The following WDR64 variants were observed in gnomAD, a reference collection of about 807,000 sequenced individuals.
The protein encoded by WDR64 is WD repeat domain 64, also known as WD repeat-containing protein 64.
In WDR64, 112 loss-of-function variants were observed where a neutral mutation model predicts 139.3. That is an observed-to-expected ratio of 0.80 (90% CI 0.69 to 0.94). The LOEUF is 0.94. Among genes scored for constraint, WDR64 ranks in the 40% least tolerant of loss-of-function variants. The pLI is 0.00. For synonymous variants in WDR64, 444 were observed against 437.7 expected (o/e 1.01, Z -0.18); for missense variants, 1,206 against 1,293.1 (o/e 0.93, Z 1.03).
At chr1:241,677,792 A>T (rs1181267557) in intron 4 of WDR64, among the ~76,000 whole-genome samples, 2 of 152,218 alleles carry the variant, frequency 1.3e-5, no homozygotes, top group African/African-American at 4.8e-5. Flanking sequence ...ACTCTATTAA[A>T]TATTGATCTA....
At chr1:241,658,818 G>C (rs1665709953) in intron 1 of WDR64, among the ~76,000 whole-genome samples, 3 of 151,640 alleles carry the variant, frequency 2.0e-5, no homozygotes, top group African/African-American at 7.3e-5. Context: ...CACAGAGAAT[G>C]TATCAAACAC....
intron 12 of WDR64, among the ~76,000 whole-genome samples, chr1:241,742,720 C>T (rs1669595888): frequency 6.6e-6 from 1 of 152,158 alleles, no homozygotes; most frequent in African/African-American, 2.4e-5. Context: ...AACTTGCTTT[C>T]GCTTTACTCT....
At chr1:241,690,121 T>G (rs932005712) in intron 8 of WDR64, among the ~76,000 whole-genome samples, 2 of 151,836 alleles carry the variant, frequency 1.3e-5, no homozygotes, top group Admixed American at 1.3e-4. Flanking sequence ...GAAGGATAAA[T>G]GCCAAAAAAT....
chr1:241,707,119 C>A (rs1667982892), intron 8 of WDR64, among the ~76,000 whole-genome samples: 1 of 152,172 alleles, frequency 6.6e-6, no homozygotes. Context: ...GTTTACCTGC[C>A]TGGCTGCTGC....
rs559727613 is a variant in WDR64, at chr1:241,698,010, T to C, written c.974+10415T>C. On this transcript the variant is annotated intron_variant, in intron 8 of 27. Transcript: ENST00000437684. ...CAACTTTTCTTCTTACATTCTATCCTCTTCTTGGGTGATAGTTGTATTCTT... is the reference window on the plus strand; with the variant it reads ...CAACTTTTCTTCTTACATTCTATCCCCTTCTTGGGTGATAGTTGTATTCTT... 5.9e-4 allele frequency among the ~76,000 whole-genome samples: 90 copies of C among 152,310 alleles called. No individual in the cohort carries two copies. The Middle Eastern group carries it at 0.014, about 23-fold the overall frequency.
intron 15 of WDR64, among the ~76,000 whole-genome samples, chr1:241,762,773 G>C (rs1343521397): frequency 2.3e-5 from 3 of 130,906 alleles, no homozygotes; most frequent in Non-Finnish European, 4.8e-5. Flanking sequence ...AAGCTTCCTT[G>C]CAAAAAAAAA....
intron 9 of WDR64, among the ~76,000 whole-genome samples, chr1:241,720,621 A>G (rs928510039): frequency 1.3e-5 from 2 of 151,958 alleles, no homozygotes; most frequent in Non-Finnish European, 2.9e-5. Context: ...GTATCTGTTC[A>G]TGTCTTTTGT....
intron 19 of WDR64, 91 bp from the exon 20 acceptor site, chr1:241,772,701 G>C (rs1658507618): frequency 8.2e-6 from 11 of 1,340,864 alleles, no homozygotes; most frequent in Non-Finnish European, 1.1e-5. Flanking sequence ...GACCTCAAGT[G>C]ATCCACCTGC....
At chr1:241,673,905 G>T (rs1433137736) in intron 3 of WDR64, among the ~76,000 whole-genome samples, 1 of 151,982 alleles carries the variant, frequency 6.6e-6, no homozygotes, top group Non-Finnish European at 1.5e-5. Context: ...GCCTGAGATG[G>T]TATTAAGTTT....
At chr1:241,686,036 C>T (rs1666990433) in intron 7 of WDR64, among the ~76,000 whole-genome samples, 1 of 152,114 alleles carries the variant, frequency 6.6e-6, no homozygotes. Context: ...AATCTGGGTA[C>T]AGTTAAATGA....
chr1:241,756,037 C>CT (rs1319731975), intron 14 of WDR64, among the ~76,000 whole-genome samples: 4 of 152,120 alleles, frequency 2.6e-5, no homozygotes, highest in African/African-American at 9.7e-5. Context: ...ATTTTCATGG[C>CT]TATACGGGCT....
At chr1:241,750,585 T>A (rs1454026698) in intron 14 of WDR64, among the ~76,000 whole-genome samples, 1 of 152,228 alleles carries the variant, frequency 6.6e-6, no homozygotes, top group East Asian at 1.9e-4. Context: ...CAAAGTGCCA[T>A]TGTTCATCAG....
chr1:241,664,972 G>A (rs1665975514), intron 2 of WDR64, among the ~76,000 whole-genome samples: 1 of 152,080 alleles, frequency 6.6e-6, no homozygotes, highest in Non-Finnish European at 1.5e-5. Context: ...CAAGGCAGGA[G>A]GATTGCTTGA....
rs983611228 is a variant in WDR64 at position 241,801,540 on chromosome 1, T to C, written c.*325T>C. On this transcript the variant is annotated 3_prime_UTR_variant, in exon 28 of 28. Coordinates refer to ENST00000437684, the MANE Select transcript of WDR64 (RefSeq NM_001367482.1). ...ATGTTTAGCTTTCCACTTCCTCCCA[T>C]TGGTCACCTTACTCCACAGCAAGAA... 1.2e-5 allele frequency: 5 copies of C among 415,484 alleles called. No homozygotes were observed. Among genetic ancestry groups the C allele is most frequent in the East Asian group, 1.0e-4 (3 of 29,560 alleles). The allele number at this position is 415,484 out of a possible 1,614,324, so 25.7% of individuals were successfully genotyped here. A position where few individuals can be genotyped will look rare whatever the true frequency, so the allele number is the denominator to read the frequency against.
chr1:241,671,333 A>G (rs1241150096), intron 3 of WDR64, among the ~76,000 whole-genome samples, 157 bp downstream of exon 3: 3 of 152,190 alleles, frequency 2.0e-5, no homozygotes, highest in African/African-American at 7.2e-5. Context: ...CATATGCAGT[A>G]TCAGAAGAAA....
intron 13 of WDR64, among the ~76,000 whole-genome samples, chr1:241,747,714 T>A (rs570803108): frequency 5.1e-4 from 78 of 152,272 alleles, no homozygotes; most frequent in African/African-American, 1.9e-3. Flanking sequence ...TCAGAACTTT[T>A]CTTGAACCTA....
chr1:241,771,980 A>G (rs1027750729), intron 19 of WDR64, among the ~76,000 whole-genome samples: 5 of 115,290 alleles, frequency 4.3e-5, no homozygotes, highest in African/African-American at 1.5e-4. Context: ...ATATATATAT[A>G]TATATATATT....
intron 2 of WDR64, among the ~76,000 whole-genome samples, chr1:241,667,584 G>A (rs1023278876): frequency 6.6e-6 from 1 of 152,138 alleles, no homozygotes; most frequent in Non-Finnish European, 1.5e-5. Flanking sequence ...CAAGCATGAT[G>A]GGGGACTTGA....
At chr1:241,722,195 C>T (rs982444701) in intron 9 of WDR64, among the ~76,000 whole-genome samples, 5 of 152,062 alleles carry the variant, frequency 3.3e-5, no homozygotes, top group African/African-American at 1.2e-4. Context: ...ACGGCATTAG[C>T]TATCATAAAA....
Sources: allele counts gnomAD v4.1 joint callset (sites outside exome capture counted in the v4.1 genomes callset), GRCh38; gene constraint gnomAD v4.1.1; transcripts MANE v1.5; gene names NCBI Gene and HGNC (gene_info 2026-07-23, HGNC 2026-07-21).